Variants in KIAA1143 observed in about 807,000 individuals in gnomAD.
The protein encoded by KIAA1143 is KIAA1143.
In KIAA1143, 8 loss-of-function variants were observed where a neutral mutation model predicts 17.0. That is an observed-to-expected ratio of 0.47 (90% CI 0.28 to 0.85). The LOEUF (loss-of-function observed/expected upper bound fraction) is 0.85, where lower values mean the gene tolerates loss of function less well. KIAA1143 is among the 40% of genes least tolerant of loss of function. The probability of loss-of-function intolerance (pLI) is 0.12; values close to 1 mark genes in which losing one functional copy is unlikely to be tolerated. For synonymous variants in KIAA1143, 64 were observed against 67.8 expected (o/e 0.94, Z 0.27); for missense variants, 162 against 183.3 (o/e 0.88, Z 0.67).
At chr3:44,759,631 T>C (rs1222956938) in intron 1 of KIAA1143, among the ~76,000 whole-genome samples, 3 of 152,022 alleles carry the variant, frequency 2.0e-5, no homozygotes, top group Non-Finnish European at 4.4e-5. Context: ...GGCCCAGGCA[T>C]AGTGGTTTTT....
rs1268845981 is a variant in KIAA1143 at position 44,750,034 on chromosome 3, C to T, written c.*3307G>A. Reference sequence around the variant, plus strand: ...AGATTCCTGGCTTCAAGCAATTCTCCCACCTTGGCTTCCCAAAGTGTTGGG... The same window carrying T: ...AGATTCCTGGCTTCAAGCAATTCTCTCACCTTGGCTTCCCAAAGTGTTGGG... On this transcript the variant is annotated 3_prime_UTR_variant, in exon 3 of 3. Coordinates refer to ENST00000296121, the MANE Select transcript of KIAA1143 (RefSeq NM_020696.4). The T allele has an allele frequency of 6.6e-6, 1 of 152,174 alleles. No individual in the cohort carries two copies. The highest frequency in any genetic ancestry group is 6.5e-5 in the Admixed American group (1 of 15,284). 9.4% of individuals were successfully genotyped at this position (152,174 alleles called of 1,614,324 possible). A position where few individuals can be genotyped will look rare whatever the true frequency, so the allele number is the denominator to read the frequency against.
In KIAA1143 at chr3:44,753,217, A is replaced by G. The variant is rs577718822; in HGVS notation, c.*124T>C. 4.8e-6 allele frequency: 3 copies of G among 619,172 alleles called. No homozygotes were observed. Among genetic ancestry groups the G allele is most frequent in the African/African-American group, 1.8e-5 (1 of 54,126 alleles). The allele number at this position is 619,172 out of a possible 1,614,324, so 38.4% of individuals were successfully genotyped here. A position where few individuals can be genotyped will look rare whatever the true frequency, so the allele number is the denominator to read the frequency against. On this transcript the variant is annotated 3_prime_UTR_variant, in exon 3 of 3. Coordinates refer to ENST00000296121, the MANE Select transcript of KIAA1143 (RefSeq NM_020696.4). The stretch of plus-strand genomic sequence containing the variant: ...TTGATGAATAGATGTAGTTTATTAA[A>G]TTTTTTTCTCTATTTCCTAAACTTT...
intron 1 of KIAA1143, among the ~76,000 whole-genome samples, chr3:44,756,252 T>G (rs1329084927): frequency 2.0e-5 from 3 of 152,234 alleles, no homozygotes; most frequent in Non-Finnish European, 2.9e-5. Flanking sequence ...GAGACATTTC[T>G]GAATTAACTC....
Position 44,754,248 on chromosome 3 carries a change from C to T in KIAA1143, c.229G>A (p.Ala77Thr), listed in dbSNP as rs1318556736. ...LSVEEVMKIK[A>T]EIKAAKADEE... ...CCTGCTTTGGCAGCCTTTATTTCTG[C>T]TTTAATTTTCATGACTTCTTCAACT... is the stretch of plus-strand genomic sequence containing the variant. Residue 77 changes from alanine (A) to threonine (T), a missense_variant, in exon 2 of 3, where the codon GCA (alanine) becomes ACA (threonine). Ala to Thr is a moderately conservative substitution (Grantham distance 58). This residue lies in a region of KIAA1143 where 137 missense variants were observed against 132.5 expected (regional missense o/e 1.03). Coordinates refer to ENST00000296121, the MANE Select transcript of KIAA1143 (RefSeq NM_020696.4). The T allele has an allele frequency of 5.0e-6, 8 of 1,613,660 alleles. No individual in the cohort carries two copies. The highest frequency in any genetic ancestry group is 6.8e-6 in the Non-Finnish European group (8 of 1,179,984).
At position 44,753,154 on chromosome 3, in the gene KIAA1143, T is replaced by G. The variant is rs1704913587; in HGVS notation, c.*187A>C. The G allele has an allele frequency of 2.1e-6, 1 of 467,134 alleles. No homozygotes were observed. Among genetic ancestry groups the G allele is most frequent in the East Asian group, 3.4e-5 (1 of 29,822 alleles). The allele number at this position is 467,134 out of a possible 1,614,324, so 28.9% of individuals were successfully genotyped here. ...GAAATAACAAAATGTTAATACTAGCTAATTTCTATAGAGTTGGCATTTTAA... is the reference window on the plus strand; with the variant it reads ...GAAATAACAAAATGTTAATACTAGCGAATTTCTATAGAGTTGGCATTTTAA... On this transcript the variant is annotated 3_prime_UTR_variant, in exon 3 of 3. Coordinates refer to ENST00000296121, the MANE Select transcript of KIAA1143 (RefSeq NM_020696.4).
At chr3:44,757,425 C>T (rs1328901237) in intron 1 of KIAA1143, among the ~76,000 whole-genome samples, 2 of 152,186 alleles carry the variant, frequency 1.3e-5, no homozygotes, top group Non-Finnish European at 2.9e-5. Context: ...ATGCCATTCT[C>T]TTCATCTCTA....
At chr3:44,760,824 A>G (rs937950657) in intron 1 of KIAA1143, among the ~76,000 whole-genome samples, 4 of 151,944 alleles carry the variant, frequency 2.6e-5, no homozygotes, top group African/African-American at 9.7e-5. Flanking sequence ...CTGGGACTAC[A>G]GGCATGTGCC....
chr3:44,758,893 G>A (rs1705014614), intron 1 of KIAA1143, among the ~76,000 whole-genome samples: 1 of 149,666 alleles, frequency 6.7e-6, no homozygotes, highest in South Asian at 2.1e-4. Flanking sequence ...GACAGGGTCT[G>A]GCTCTGTTAC....
chr3:44,756,919 G>C (rs1024099020), intron 1 of KIAA1143, among the ~76,000 whole-genome samples: 1 of 152,144 alleles, frequency 6.6e-6, no homozygotes, highest in African/African-American at 2.4e-5. Flanking sequence ...AGTATATATA[G>C]AATTCAGTAT....
rs934241499 is a variant in KIAA1143, at chr3:44,752,961, C to T, written c.*380G>A. The stretch of plus-strand genomic sequence containing the variant: ...TGAAATTATCTGTAGCTATTAATGT[C>T]AGGTTTTTGAAATTTACTGACCTGG... On this transcript the variant is annotated 3_prime_UTR_variant, in exon 3 of 3. Transcript: ENST00000296121. 1.1e-3 allele frequency: 175 copies of T among 154,188 alleles called. No individual in the cohort carries two copies. Among genetic ancestry groups the T allele is most frequent in the African/African-American group, 3.7e-3 (152 of 41,234 alleles). 9.6% of individuals were successfully genotyped at this position (154,188 alleles called of 1,614,324 possible). A position where few individuals can be genotyped will look rare whatever the true frequency, so the allele number is the denominator to read the frequency against.
At chr3:44,760,985 C>T (rs1178497986) in intron 1 of KIAA1143, among the ~76,000 whole-genome samples, 1 of 152,212 alleles carries the variant, frequency 6.6e-6, no homozygotes, top group African/African-American at 2.4e-5. Context: ...AGCCACTGTG[C>T]CCGACCTTCT....
intron 1 of KIAA1143, 96 bp from the exon 2 acceptor site, chr3:44,754,464 T>C (rs749640601): frequency 8.6e-7 from 1 of 1,165,702 alleles, no homozygotes; most frequent in Admixed American, 2.2e-5. Context: ...ATGAGAAGGG[T>C]ATCTTTATTG....
intron 1 of KIAA1143, among the ~76,000 whole-genome samples, chr3:44,755,335 G>A (rs1704954182): frequency 6.6e-6 from 1 of 152,136 alleles, no homozygotes; most frequent in Non-Finnish European, 1.5e-5. Flanking sequence ...CAGTTCACTA[G>A]AGGTGGAACT....
rs1404439968 is a variant in KIAA1143 at position 44,754,166 on chromosome 3, A to C, written c.253+58T>G. On this transcript the variant is annotated intron_variant, in intron 2 of 2. Coordinates refer to ENST00000296121, the MANE Select transcript of KIAA1143 (RefSeq NM_020696.4). ...CACCACACTACTAAATAAAATAAAC[A>C]ATTTCATACCCTGGGCTCCTTAAAT... The C allele has an allele frequency of 1.1e-5, 17 of 1,563,006 alleles. No individual in the cohort carries two copies. The South Asian group carries it at 1.7e-4, about 16-fold the overall frequency.
In KIAA1143 at chr3:44,753,362, G is replaced by A. The variant is rs200469265; in HGVS notation, c.444C>T (p.Asp148=). ...QIKNSSLLSF[D]NEDENE ...ACACTTACTCATTTTCATCTTCGTT[G>A]TCAAAAGAAAGGAGGCTACTATTTT... Residue 148 remains aspartate (D), a synonymous_variant, in exon 3 of 3, where the codon GAC becomes GAT. Coordinates refer to ENST00000296121, the MANE Select transcript of KIAA1143 (RefSeq NM_020696.4). 250 of 1,599,892 alleles carry A rather than the reference G, an allele frequency of 1.6e-4. 1 individual carries two copies. Among genetic ancestry groups the A allele is most frequent in the Middle Eastern group, 1.7e-4 (1 of 6,038 alleles).
rs1207076631 is a variant in KIAA1143 at position 44,752,154 on chromosome 3, G to GA, written c.*1186dup. 6 of 152,194 alleles carry GA rather than the reference G, an allele frequency of 3.9e-5. No homozygotes were observed. The highest frequency in any genetic ancestry group is 1.4e-4 in the African/African-American group (6 of 41,438). 9.4% of individuals were successfully genotyped at this position (152,194 alleles called of 1,614,324 possible). A position where few individuals can be genotyped will look rare whatever the true frequency, so the allele number is the denominator to read the frequency against. ...CCCTTGCCTTTTCTGCATTGCAGAT[G>GA]AAAAATGAAAGTGCCTCTGATTGGT... On this transcript the variant is annotated 3_prime_UTR_variant, in exon 3 of 3. Coordinates refer to ENST00000296121, the MANE Select transcript of KIAA1143 (RefSeq NM_020696.4).
intron 1 of KIAA1143, among the ~76,000 whole-genome samples, chr3:44,758,665 G>A (rs72874068): frequency 0.011 from 1,667 of 152,134 alleles, 29 homozygotes; most frequent in African/African-American, 0.037. Flanking sequence ...TGAATCTCTC[G>A]AAGTCATCCA....
intron 1 of KIAA1143, among the ~76,000 whole-genome samples, chr3:44,757,500 T>A (rs1464794556): frequency 6.6e-6 from 1 of 152,184 alleles, no homozygotes; most frequent in Non-Finnish European, 1.5e-5. Context: ...TCTAACCTGA[T>A]AACAGCACAG....
At position 44,752,702 on chromosome 3, in the gene KIAA1143, A is replaced by G. The variant is rs1704907502; in HGVS notation, c.*639T>C. On this transcript the variant is annotated 3_prime_UTR_variant, in exon 3 of 3. Transcript: ENST00000296121. ...ACTCAGGTTTTATCTCTGCACTCCA[A>G]GTAGGATGAAAAGATAAGAGCAAAG... 6.6e-6 allele frequency: 1 copy of G among 152,172 alleles called. No individual in the cohort carries two copies. The highest frequency in any genetic ancestry group is 2.1e-4 in the South Asian group (1 of 4,830). The allele number at this position is 152,172 out of a possible 1,614,324, so 9.4% of individuals were successfully genotyped here.
Sources: allele counts gnomAD v4.1 joint callset (sites outside exome capture counted in the v4.1 genomes callset), GRCh38; gene constraint gnomAD v4.1.1; regional missense constraint gnomAD v4.1.1; transcripts MANE v1.5; gene names NCBI Gene and HGNC (gene_info 2026-07-23, HGNC 2026-07-21).